Variants in PCSK2 observed in about 807,000 individuals in gnomAD.
PCSK2 encodes the protein neuroendocrine convertase 2.
PCSK2 carries 14 observed loss-of-function variants against 69.7 expected under a neutral mutation model. The observed-to-expected ratio is 0.20, with a 90% CI of 0.13 to 0.31. The LOEUF (loss-of-function observed/expected upper bound fraction) is 0.31. Among genes scored for constraint, PCSK2 ranks in the 10% least tolerant of loss-of-function variants. The pLI is 1.00. For missense variants in PCSK2, 544 were observed against 842.5 expected (o/e 0.65, Z 4.39); for synonymous variants, 307 against 320.7 (o/e 0.96, Z 0.46).
chr20:17,352,680 C>T (rs1198200282), intron 2 of PCSK2, among the ~76,000 whole-genome samples: 1 of 152,188 alleles, frequency 6.6e-6, no homozygotes, highest in East Asian at 1.9e-4. Flanking sequence ...CTTTCTTTCA[C>T]CATATGCAAG....
chr20:17,261,145 T>C (rs972568640), intron 2 of PCSK2, among the ~76,000 whole-genome samples: 2 of 152,122 alleles, frequency 1.3e-5, no homozygotes, highest in African/African-American at 4.8e-5. Context: ...ACTCATCCAA[T>C]TGGGTAGATT....
At chr20:17,417,162 T>C (rs2032018138) in intron 6 of PCSK2, among the ~76,000 whole-genome samples, 1 of 152,128 alleles carries the variant, frequency 6.6e-6, no homozygotes, top group South Asian at 2.1e-4. Flanking sequence ...ACCCTAGAAC[T>C]TAAAGTATAA....
intron 2 of PCSK2, among the ~76,000 whole-genome samples, chr20:17,267,308 G>A (rs372603962): frequency 1.3e-5 from 2 of 152,304 alleles, no homozygotes; most frequent in African/African-American, 2.4e-5. Flanking sequence ...AGAGGTCAGC[G>A]GGTGTAAACC....
Position 17,450,017 on chromosome 20 carries a change from C to CTTT in PCSK2, c.886-3697_886-3695dup, listed in dbSNP as rs61156656. Among the ~76,000 whole-genome samples the CTTT allele has an allele frequency of 2.7e-4, 17 of 61,834 alleles. 1 individual carries two copies. Among genetic ancestry groups the CTTT allele is most frequent in the South Asian group, 1.6e-3 (2 of 1,256 alleles). The allele number at this position is 61,834 out of a possible 152,430, so 40.6% of individuals were successfully genotyped here. On this transcript the variant is annotated intron_variant, in intron 8 of 11. Transcript: ENST00000262545. ...TTTTTAAGTTTGTTGAATTTCTTCC[C>CTTT]TTTTTTTTTTTTTTTTTTTTTTTTT...
chr20:17,467,769 CTT>C (rs1173735639), intron 11 of PCSK2, among the ~76,000 whole-genome samples: 1 of 152,110 alleles, frequency 6.6e-6, no homozygotes, highest in Admixed American at 6.5e-5. Context: ...TGCTGGGAGA[CTT>C]TAGCAACACA....
At chr20:17,249,021 T>A (rs1986873442) in intron 1 of PCSK2, among the ~76,000 whole-genome samples, 1 of 152,062 alleles carries the variant, frequency 6.6e-6, no homozygotes, top group African/African-American at 2.4e-5. Flanking sequence ...CCAAGCCAGG[T>A]ATGCAACTCA....
intron 2 of PCSK2, among the ~76,000 whole-genome samples, chr20:17,277,072 T>C (rs1284754570): frequency 2.0e-5 from 3 of 151,788 alleles, no homozygotes; most frequent in African/African-American, 7.3e-5. Flanking sequence ...TAAAAGAGGA[T>C]ACAAACAAAT....
intron 11 of PCSK2, among the ~76,000 whole-genome samples, chr20:17,470,851 G>A (rs1349713712): frequency 6.6e-6 from 1 of 152,140 alleles, no homozygotes; most frequent in Non-Finnish European, 1.5e-5. Flanking sequence ...CTGCAAGCAG[G>A]GAGTGGGGGC....
At chr20:17,407,113 G>A (rs1416743842) in intron 5 of PCSK2, among the ~76,000 whole-genome samples, 1 of 152,144 alleles carries the variant, frequency 6.6e-6, no homozygotes, top group Non-Finnish European at 1.5e-5. Context: ...GGGGATCAAG[G>A]GAATGCAGGA....
intron 5 of PCSK2, among the ~76,000 whole-genome samples, chr20:17,374,647 G>A (rs1270664185): frequency 6.6e-6 from 1 of 152,122 alleles, no homozygotes; most frequent in East Asian, 1.9e-4. Context: ...ATTGATGCCA[G>A]AAAGGGAGAG....
intron 2 of PCSK2, among the ~76,000 whole-genome samples, chr20:17,316,197 C>G (rs954672045): frequency 1.3e-5 from 2 of 152,202 alleles, no homozygotes; most frequent in African/African-American, 4.8e-5. Flanking sequence ...ATATTAACTA[C>G]CGACTCACAG....
chr20:17,428,627 G>A (rs890022120), intron 6 of PCSK2, among the ~76,000 whole-genome samples: 10 of 152,028 alleles, frequency 6.6e-5, no homozygotes, highest in Admixed American at 3.9e-4. Flanking sequence ...TGTGCATTCC[G>A]CAGGCCATAC....
chr20:17,480,672 G>T (rs1169333334), intron 11 of PCSK2, among the ~76,000 whole-genome samples: 1 of 152,220 alleles, frequency 6.6e-6, no homozygotes, highest in East Asian at 1.9e-4. Context: ...GGTAACACAA[G>T]TGAGGAATTG....
At chr20:17,282,588 G>C (rs1988355890) in intron 2 of PCSK2, among the ~76,000 whole-genome samples, 1 of 152,020 alleles carries the variant, frequency 6.6e-6, no homozygotes. Flanking sequence ...TCTTATTTCT[G>C]TAGCTCAGGA....
intron 1 of PCSK2, among the ~76,000 whole-genome samples, chr20:17,228,640 G>GT (rs1406748640): frequency 6.6e-6 from 1 of 152,058 alleles, no homozygotes; most frequent in African/African-American, 2.4e-5. Flanking sequence ...TTGGTTATTG[G>GT]TTTTGCCTTG....
chr20:17,439,997 G>A (rs114252287), intron 8 of PCSK2, among the ~76,000 whole-genome samples: 5,665 of 152,280 alleles, frequency 0.037, 107 homozygotes, highest in Middle Eastern at 0.13. Flanking sequence ...GCTGGTCAAC[G>A]TCTCTGTCTT....
intron 1 of PCSK2, 111 bp from the exon 2 acceptor site, chr20:17,260,129 G>C (rs1237721113): frequency 4.3e-6 from 3 of 705,348 alleles, no homozygotes; most frequent in Non-Finnish European, 7.7e-6. Context: ...TGGTTTCCTT[G>C]CATACTTCCC....
chr20:17,259,853 T>G (rs191517869), intron 1 of PCSK2, among the ~76,000 whole-genome samples: 125 of 152,080 alleles, frequency 8.2e-4, no homozygotes, highest in Admixed American at 8.2e-3. Context: ...GCAGCATAAT[T>G]CTGAAGCAAC....
At chr20:17,238,763 A>G (rs1347779902) in intron 1 of PCSK2, among the ~76,000 whole-genome samples, 1 of 152,158 alleles carries the variant, frequency 6.6e-6, no homozygotes, top group African/African-American at 2.4e-5. Flanking sequence ...GAATTTTTAT[A>G]AATTCTGATT....
Sources: allele counts gnomAD v4.1 joint callset (sites outside exome capture counted in the v4.1 genomes callset), GRCh38; gene constraint gnomAD v4.1.1; transcripts MANE v1.5; gene names NCBI Gene and HGNC (gene_info 2026-07-23, HGNC 2026-07-21).